Variants in ZNF780B observed in about 807,000 individuals in gnomAD.
ZNF780B encodes zinc finger protein 779.
A neutral mutation model predicts 74.1 loss-of-function variants in ZNF780B; 52 were observed. The ratio of observed to expected loss-of-function variants is 0.70; its 90% CI spans 0.56 to 0.88. The LOEUF (loss-of-function observed/expected upper bound fraction) is 0.88. Among genes scored for constraint, ZNF780B ranks in the 40% least tolerant of loss-of-function variants. ZNF780B has a pLI of 0.00. For missense variants in ZNF780B, 953 were observed against 1,007.6 expected, an observed-to-expected ratio of 0.95 and a Z score of 0.73; for synonymous variants, 315 against 324.3, an observed-to-expected ratio of 0.97 and a Z score of 0.31.
At position 40,034,845 on chromosome 19, in the gene ZNF780B, T is replaced by C. The variant is rs1972168462; in HGVS notation, c.2014A>G (p.Lys672Glu). 6.2e-7 allele frequency: 1 copy of C among 1,614,084 alleles called. No homozygotes were observed. The highest frequency in any genetic ancestry group is 8.5e-7 in the Non-Finnish European group (1 of 1,179,986). ...CGACTAAAGCCTTTCCCACACTCCT[T>C]ACATTCATATGGTTTTACACCAGCA... ...IHAGVKPYECKECGKGFSRVS... is the reference protein window; with the variant it reads ...IHAGVKPYECEECGKGFSRVS... Residue 672 changes from lysine (K) to glutamate (E), a missense_variant, in exon 5 of 5, where the codon AAG becomes GAG. Physicochemically the swap from Lys to Glu is moderately conservative, Grantham distance 56. Transcript: ENST00000434248.
At position 40,035,594 on chromosome 19, in the gene ZNF780B, C is replaced by T. The variant is rs1319296212; in HGVS notation, c.1265G>A (p.Cys422Tyr). 6.2e-7 allele frequency: 1 copy of T among 1,613,502 alleles called. No homozygotes were observed. Among genetic ancestry groups the T allele is most frequent in the East Asian group, 2.2e-5 (1 of 44,788 alleles). Residue 422 changes from cysteine (C) to tyrosine (Y), a missense_variant, in exon 5 of 5, where the codon TGT (cysteine) becomes TAT (tyrosine). Coordinates refer to ENST00000434248, the MANE Select transcript of ZNF780B (RefSeq NM_001005851.3). ...TGCACCACGATTAAAGCCTTTCCCA[C>T]ACTCCTTACATTCATATGGTTTTAC... ...ADVKPYECKE[C>Y]GKGFNRGANL...
intron 2 of ZNF780B, 132 bp from the exon 3 acceptor site, chr19:40,048,928 A>G: frequency 7.2e-7 from 1 of 1,393,496 alleles, no homozygotes. Flanking sequence ...ACATTCTTCA[A>G]GAATCCTGCT....
Position 40,034,223 on chromosome 19 carries a change from G to A in ZNF780B, c.*134C>T, listed in dbSNP as rs1972117381. 3 of 767,560 alleles carry A rather than the reference G, an allele frequency of 3.9e-6. No individual in the cohort carries two copies. Among genetic ancestry groups the A allele is most frequent in the East Asian group, 5.2e-5 (2 of 38,450 alleles). 47.5% of individuals were successfully genotyped at this position (767,560 alleles called of 1,614,324 possible). ...TATGAATTCTCTGATGTACTCTAAG[G>A]TTTCTACCACTGGTAAAGCATTTCC... On this transcript the variant is annotated 3_prime_UTR_variant, in exon 5 of 5. Coordinates refer to ENST00000434248, the MANE Select transcript of ZNF780B (RefSeq NM_001005851.3).
chr19:40,048,541 C>T, intron 3 of ZNF780B, 129 bp downstream of exon 3: 1 of 1,477,826 alleles, frequency 6.8e-7, no homozygotes, highest in Non-Finnish European at 9.4e-7. Context: ...CAACAAATCT[C>T]AATCCATTCC....
In ZNF780B at chr19:40,036,178, T is replaced by C. The variant is rs1292677573; in HGVS notation, c.681A>G (p.Gly227=). 6.2e-7 allele frequency: 1 copy of C among 1,613,812 alleles called. No homozygotes were observed. Among genetic ancestry groups the C allele is most frequent in the Non-Finnish European group, 8.5e-7 (1 of 1,179,922 alleles). The change falls in exon 5 of 5, where the codon GGA becomes GGG. Residue 227 remains glycine, a synonymous_variant. Coordinates refer to ENST00000434248, the MANE Select transcript of ZNF780B (RefSeq NM_001005851.3). ...GEKTFECKEC[G]KAFNLPTQLN... ...GCTGGGTGGGAAGATTAAAGGCTTT[T>C]CCACATTCCTTACATTCAAAAGTTT...
Position 40,035,193 on chromosome 19 carries a change from G to T in ZNF780B, c.1666C>A (p.Pro556Thr), listed in dbSNP as rs1339454594. ...TTCCCACATTCCTTACATTCAAAGG[G>T]TTTCTCACCTGTATGAGTTTTCTCA... ...QHEKTHTGEK[P>T]FECKECGKFF... Residue 556 changes from proline (P) to threonine (T), a missense_variant, in exon 5 of 5, where the codon CCC becomes ACC. Transcript: ENST00000434248. 1.9e-6 allele frequency: 3 copies of T among 1,613,934 alleles called. No homozygotes were observed. The highest frequency in any genetic ancestry group is 2.5e-6 in the Non-Finnish European group (3 of 1,180,012).
At chr19:40,038,852 T>G (rs1191141936) in intron 4 of ZNF780B, among the ~76,000 whole-genome samples, 1 of 150,194 alleles carries the variant, frequency 6.7e-6, no homozygotes, top group Non-Finnish European at 1.5e-5. Context: ...TTTCTCCCAT[T>G]TTGTAGGTTG....
chr19:40,043,536 C>T (rs1254630796), intron 4 of ZNF780B, among the ~76,000 whole-genome samples: 1 of 152,244 alleles, frequency 6.6e-6, no homozygotes. Context: ...GGCAGTCCTC[C>T]TTGAGCTGTG....
intron 4 of ZNF780B, 107 bp downstream of exon 4, chr19:40,047,268 T>C: frequency 1.1e-6 from 1 of 950,402 alleles, no homozygotes; most frequent in Non-Finnish European, 1.7e-6. Flanking sequence ...CCTTGGGTTA[T>C]TGAAGAAAGT....
At chr19:40,037,518 C>T (rs2144731510) in intron 4 of ZNF780B, among the ~76,000 whole-genome samples, 1 of 152,318 alleles carries the variant, frequency 6.6e-6, no homozygotes, top group African/African-American at 2.4e-5. Context: ...TCAAGCAATC[C>T]TCCTGCCTTG....
intron 4 of ZNF780B, among the ~76,000 whole-genome samples, chr19:40,038,130 G>A (rs563345607): frequency 5.1e-4 from 78 of 151,616 alleles, no homozygotes; most frequent in South Asian, 1.0e-3. Context: ...TGTTCTCATT[G>A]TTCAATTCCC....
intron 4 of ZNF780B, among the ~76,000 whole-genome samples, chr19:40,043,564 T>G (rs1568418217): frequency 6.6e-6 from 1 of 152,356 alleles, no homozygotes; most frequent in South Asian, 2.1e-4. Flanking sequence ...CCACCCAGTT[T>G]GAGCTCCCCG....
intron 4 of ZNF780B, among the ~76,000 whole-genome samples, chr19:40,046,470 C>T (rs138861449): frequency 8.5e-5 from 13 of 152,302 alleles, no homozygotes; most frequent in East Asian, 5.8e-4. Flanking sequence ...CTGTATGATA[C>T]GACTCCGACG....
Position 40,036,425 on chromosome 19 carries a change from C to A in ZNF780B, c.434G>T (p.Ser145Ile). ...QEGYINQKII[S>I]YEEMPAYTHA... ...AGTATAAGCAGGCATTTCTTCATAG[C>A]TGATGATCTTCTGGTTGATATATCC... The change falls in exon 5 of 5, where the codon AGC (serine) becomes ATC (isoleucine). Residue 145 changes from serine to isoleucine, a missense_variant. Coordinates refer to ENST00000434248, the MANE Select transcript of ZNF780B (RefSeq NM_001005851.3). 1 of 1,609,162 alleles carries A rather than the reference C, an allele frequency of 6.2e-7. No individual in the cohort carries two copies. Among genetic ancestry groups the A allele is most frequent in the Non-Finnish European group, 8.5e-7 (1 of 1,178,390 alleles).
At chr19:40,043,728 G>A (rs1049376867) in intron 4 of ZNF780B, among the ~76,000 whole-genome samples, 2 of 152,228 alleles carry the variant, frequency 1.3e-5, no homozygotes, top group Non-Finnish European at 2.9e-5. Flanking sequence ...ATAATCTCCT[G>A]GTGTGCCGTT....
chr19:40,047,625 TAA>T lies in ZNF780B; in HGVS notation c.137-157_137-156del, dbSNP rs371269163. Among the ~76,000 whole-genome samples the T allele has an allele frequency of 7.2e-3, 1,013 of 141,636 alleles. 5 individuals are homozygous for T. The highest frequency in any genetic ancestry group is 0.012 in the Non-Finnish European group (791 of 64,546). 92.9% of individuals were successfully genotyped at this position (141,636 alleles called of 152,430 possible). ...GATTGAGTAAGGGATCAACTATGTT[TAA>T]AAAAAAAAAAAGCACTTTCATTTAA... On this transcript the variant is annotated intron_variant, in intron 3 of 4. Coordinates refer to ENST00000434248, the MANE Select transcript of ZNF780B (RefSeq NM_001005851.3).
intron 4 of ZNF780B, among the ~76,000 whole-genome samples, chr19:40,037,777 G>C (rs1360382791): frequency 1.3e-5 from 2 of 151,782 alleles, no homozygotes; most frequent in African/African-American, 2.4e-5. Flanking sequence ...TTAGCAACCA[G>C]AACATGATAT....
rs929506239 is a variant in ZNF780B at position 40,029,240 on chromosome 19, G to A, written c.*5117C>T. On this transcript the variant is annotated 3_prime_UTR_variant, in exon 5 of 5. Transcript: ENST00000434248. ...TGGATGATCACAATACCCTGTAAAA[G>A]GATGACAGAAATCTTGTGTCTACTT... 1 of 152,332 alleles carries A rather than the reference G, an allele frequency of 6.6e-6. No homozygotes were observed. The allele number at this position is 152,332 out of a possible 1,614,324, so 9.4% of individuals were successfully genotyped here.
rs1468842482 is a variant in ZNF780B, at chr19:40,029,538, G to A, written c.*4819C>T. The A allele has an allele frequency of 2.6e-5, 4 of 154,792 alleles. No individual in the cohort carries two copies. Among genetic ancestry groups the A allele is most frequent in the African/African-American group, 9.6e-5 (4 of 41,522 alleles). 9.6% of individuals were successfully genotyped at this position (154,792 alleles called of 1,614,324 possible). ...TAGAAATGTAAGTTGAGAAAATTCA[G>A]AGGGAACTTCTGACCTTAGGATGAC... On this transcript the variant is annotated 3_prime_UTR_variant, in exon 5 of 5. Coordinates refer to ENST00000434248, the MANE Select transcript of ZNF780B (RefSeq NM_001005851.3).
Sources: allele counts gnomAD v4.1 joint callset (sites outside exome capture counted in the v4.1 genomes callset), GRCh38; gene constraint gnomAD v4.1.1; transcripts MANE v1.5; gene names NCBI Gene and HGNC (gene_info 2026-07-23, HGNC 2026-07-21).